KIF1B: variants seen among roughly 807,000 people sequenced by gnomAD.
KIF1B encodes kinesin-like protein KIF1B.
A neutral mutation model predicts 241.9 loss-of-function variants in KIF1B; 76 were observed. That is an observed-to-expected ratio of 0.31 (90% CI 0.26 to 0.38). The LOEUF (loss-of-function observed/expected upper bound fraction) is 0.38. Ranked by LOEUF, KIF1B falls within the 10% of genes least tolerant of loss-of-function variation. KIF1B has a pLI of 1.00. For missense variants in KIF1B, 1,622 were observed against 2,271.4 expected (o/e 0.71, Z 5.81); for synonymous variants, 750 against 796.7 (o/e 0.94, Z 0.99).
chr1:10,324,162 T>G, intron 25 of KIF1B, 100 bp downstream of exon 25: 2 of 1,159,934 alleles, frequency 1.7e-6, no homozygotes, highest in Non-Finnish European at 2.6e-6. Context: ...AGGACACTGT[T>G]GCTTACTTCC....
chr1:10,371,477 A>G (rs890637060), intron 45 of KIF1B, among the ~76,000 whole-genome samples: 3 of 151,988 alleles, frequency 2.0e-5, no homozygotes, highest in Non-Finnish European at 4.4e-5. Flanking sequence ...TGCATCATCA[A>G]CTCATCATGA....
chr1:10,347,734 T>G lies in KIF1B; in HGVS notation c.3798-27T>G, dbSNP rs201540424. 2.2e-5 allele frequency: 36 copies of G among 1,605,718 alleles called. No homozygotes were observed. The African/African-American group carries it at 4.7e-4, about 21-fold the overall frequency. On this transcript the variant is annotated intron_variant, in intron 35 of 48. Transcript: ENST00000676179. ...CCTTGCAGATGAAGTAGCACTTAGTTTTTTCTTTTGCGTTTCTATTTTTTA... is the reference window on the plus strand; with the variant it reads ...CCTTGCAGATGAAGTAGCACTTAGTGTTTTCTTTTGCGTTTCTATTTTTTA...
intron 37 of KIF1B, among the ~76,000 whole-genome samples, chr1:10,350,409 A>G (rs1242105410): frequency 2.6e-5 from 4 of 151,874 alleles, no homozygotes; most frequent in East Asian, 1.9e-4. Context: ...AATACAAAAA[A>G]ATTAGCCAGG....
intron 15 of KIF1B, among the ~76,000 whole-genome samples, chr1:10,285,558 C>G (rs1649646092): frequency 6.6e-6 from 1 of 152,140 alleles, no homozygotes; most frequent in Admixed American, 6.5e-5. Context: ...CTTCCTTACG[C>G]CAAAATAAAG....
intron 22 of KIF1B, among the ~76,000 whole-genome samples, chr1:10,319,050 G>A (rs937879989): frequency 1.3e-5 from 2 of 151,346 alleles, no homozygotes; most frequent in Non-Finnish European, 2.9e-5. Flanking sequence ...ATTGAAAAAC[G>A]CATGGAGTAG....
At chr1:10,349,214 G>A (rs1278097406) in intron 37 of KIF1B, among the ~76,000 whole-genome samples, 1 of 152,062 alleles carries the variant, frequency 6.6e-6, no homozygotes, top group Non-Finnish European at 1.5e-5. Flanking sequence ...TGAGATGGGT[G>A]GATTACTTGA....
chr1:10,341,958 A>G, intron 32 of KIF1B, 92 bp from the exon 33 acceptor site: 1 of 926,602 alleles, frequency 1.1e-6, no homozygotes, highest in Non-Finnish European at 1.7e-6. Flanking sequence ...CCTCAAAAAA[A>G]AAAAAAAAAA....
At chr1:10,367,031 A>C (rs1347627556) in intron 43 of KIF1B, among the ~76,000 whole-genome samples, 1 of 152,150 alleles carries the variant, frequency 6.6e-6, no homozygotes. Context: ...GAAGAGATAC[A>C]CTGAGGAAGG....
chr1:10,354,731 C>T (rs773915580), intron 38 of KIF1B, among the ~76,000 whole-genome samples: 3 of 152,194 alleles, frequency 2.0e-5, no homozygotes, highest in Admixed American at 6.5e-5. Flanking sequence ...CTCTTCGGAG[C>T]GAAGTGTCTG....
At position 10,272,339 on chromosome 1, in the gene KIF1B, T is replaced by C. The variant is rs765123462; in HGVS notation, c.864+33T>C. ...TTATACTTCATTATAAGGGGAGTTG[T>C]GTCTGTTCAGCAAATATACTTGATG... On this transcript the variant is annotated intron_variant, in intron 9 of 48. Transcript: ENST00000676179. The C allele has an allele frequency of 9.1e-6, 12 of 1,325,582 alleles. No homozygotes were observed. The East Asian group carries it at 2.8e-4, about 30-fold the overall frequency. The allele number at this position is 1,325,582 out of a possible 1,614,324, so 82.1% of individuals were successfully genotyped here.
intron 5 of KIF1B, among the ~76,000 whole-genome samples, chr1:10,262,823 A>G (rs547520737): frequency 1.3e-5 from 2 of 152,292 alleles, no homozygotes; most frequent in East Asian, 3.9e-4. Flanking sequence ...GGTTTTTGAC[A>G]GGCATTGGTT....
rs150696002 is a variant in KIF1B, at chr1:10,218,474, G to A, written c.-80+7596G>A. ...CTCGCTCTGTCATCCAGGCTAGAGT[G>A]CAGTGGTGTGACCTTGGCTCACTGC... On this transcript the variant is annotated intron_variant, in intron 1 of 48. Coordinates refer to ENST00000676179, the MANE Select transcript of KIF1B (RefSeq NM_001365951.3). 1.1e-4 allele frequency among the ~76,000 whole-genome samples: 16 copies of A among 151,892 alleles called. No homozygotes were observed. In the East Asian group the frequency reaches 3.1e-3, roughly 29 times the overall value.
At chr1:10,317,396 C>G (rs1310723357) in intron 22 of KIF1B, among the ~76,000 whole-genome samples, 2 of 151,424 alleles carry the variant, frequency 1.3e-5, no homozygotes, top group Non-Finnish European at 2.9e-5. Context: ...CAAAATATTT[C>G]AGACTCACCT....
chr1:10,289,942 T>G (rs1314585696), intron 15 of KIF1B, among the ~76,000 whole-genome samples: 1 of 152,134 alleles, frequency 6.6e-6, no homozygotes, highest in Non-Finnish European at 1.5e-5. Flanking sequence ...GTCTCCTTAC[T>G]ACAATGTAAA....
intron 15 of KIF1B, among the ~76,000 whole-genome samples, chr1:10,289,675 G>C (rs950970224): frequency 2.6e-5 from 4 of 152,140 alleles, no homozygotes; most frequent in African/African-American, 9.7e-5. Context: ...CCTGAGGTCA[G>C]GAGTTCAAGA....
At chr1:10,279,495 A>G (rs1400899381) in intron 14 of KIF1B, among the ~76,000 whole-genome samples, 3 of 152,098 alleles carry the variant, frequency 2.0e-5, no homozygotes, top group Admixed American at 6.6e-5. Context: ...CCTTGAATAT[A>G]TTGTCCCTTT....
chr1:10,345,809 G>T, intron 34 of KIF1B, 36 bp from the exon 35 acceptor site: 3 of 1,509,526 alleles, frequency 2.0e-6, no homozygotes, highest in South Asian at 2.3e-5. Context: ...AGTAGTCTTG[G>T]ACCAGATTTT....
At chr1:10,362,451 G>A (rs909854673) in intron 40 of KIF1B, among the ~76,000 whole-genome samples, 1 of 150,980 alleles carries the variant, frequency 6.6e-6, no homozygotes, top group Non-Finnish European at 1.5e-5. Context: ...ACTCCAGCCT[G>A]GGTGAAACAG....
At chr1:10,375,783 CTTGT>C (rs1638866709) in intron 48 of KIF1B, among the ~76,000 whole-genome samples, 1 of 101,836 alleles carries the variant, frequency 9.8e-6, no homozygotes, top group African/African-American at 3.8e-5. Context: ...TTTTTCTTTT[CTTGT>C]TTTTTTTTTT....
Sources: gnomAD v4.1 joint callset for allele counts (sites outside exome capture counted in the v4.1 genomes callset) on GRCh38, gnomAD v4.1.1 for gene constraint, MANE v1.5 for transcripts, NCBI Gene and HGNC (gene_info 2026-07-23, HGNC 2026-07-21) for gene names.